Variants in LRRIQ1 observed in about 807,000 individuals in gnomAD.
LRRIQ1 encodes leucine rich repeats and IQ motif containing 1, also known as leucine-rich repeat- and IQ domain-containing protein 1.
Under a neutral mutation model 211.9 loss-of-function variants are expected in LRRIQ1, and 210 were observed. The ratio of observed to expected loss-of-function variants is 0.99; its 90% CI spans 0.89 to 1.11. The LOEUF (loss-of-function observed/expected upper bound fraction) is 1.11, where lower values mean the gene tolerates loss of function less well. LRRIQ1 is among the 50% of genes most tolerant of loss of function. LRRIQ1 has a pLI of 0.00. For synonymous variants in LRRIQ1, 699 were observed against 650.1 expected (o/e 1.08, Z -1.14); for missense variants, 2,136 against 1,939.5 (o/e 1.10, Z -1.90).
chr12:85,084,941 A>T (rs866817315), intron 11 of LRRIQ1, among the ~76,000 whole-genome samples: 51 of 151,982 alleles, frequency 3.4e-4, no homozygotes, highest in African/African-American at 1.1e-3. Context: ...AAAAAAAAAG[A>T]AGTACAATGA....
At chr12:85,243,178 A>T (rs1895541499) in intron 26 of LRRIQ1, among the ~76,000 whole-genome samples, 1 of 146,650 alleles carries the variant, frequency 6.8e-6, no homozygotes. Context: ...TATTGCTTTG[A>T]TATTTCCCCT....
intron 8 of LRRIQ1, among the ~76,000 whole-genome samples, chr12:85,059,203 A>C (rs1327382381): frequency 2.0e-5 from 3 of 152,012 alleles, no homozygotes; most frequent in Non-Finnish European, 4.4e-5. Flanking sequence ...TCTGGAGATC[A>C]ACTTAGAAAA....
intron 24 of LRRIQ1, among the ~76,000 whole-genome samples, chr12:85,166,494 A>G (rs930257588): frequency 1.3e-5 from 2 of 152,214 alleles, no homozygotes; most frequent in African/African-American, 4.8e-5. Context: ...TAACTTCTAT[A>G]ATTTTTACTC....
intron 24 of LRRIQ1, among the ~76,000 whole-genome samples, chr12:85,187,863 A>G (rs957416364): frequency 2.0e-5 from 3 of 151,908 alleles, no homozygotes; most frequent in Non-Finnish European, 4.4e-5. Context: ...CTGCTTCCCT[A>G]GTAGCCACCA....
chr12:85,039,663 A>G (rs1385096171), intron 2 of LRRIQ1, among the ~76,000 whole-genome samples: 1 of 151,694 alleles, frequency 6.6e-6, no homozygotes, highest in Non-Finnish European at 1.5e-5. Flanking sequence ...AATTCAACAC[A>G]TGAAAACCCA....
At chr12:85,127,734 T>C (rs1198165014) in intron 17 of LRRIQ1, 98 bp from the exon 18 acceptor site, 3 of 940,044 alleles carry the variant, frequency 3.2e-6, no homozygotes, top group Non-Finnish European at 4.9e-6. Flanking sequence ...ACTTTATGTG[T>C]TCTTTGTTTA....
At chr12:85,132,280 C>A (rs1164625667) in intron 18 of LRRIQ1, among the ~76,000 whole-genome samples, 1 of 151,884 alleles carries the variant, frequency 6.6e-6, no homozygotes. Flanking sequence ...GATATGATGA[C>A]CTCAGGAAAA....
At chr12:85,067,650 G>A (rs1882586126) in intron 10 of LRRIQ1, among the ~76,000 whole-genome samples, 1 of 151,612 alleles carries the variant, frequency 6.6e-6, no homozygotes, top group Non-Finnish European at 1.5e-5. Flanking sequence ...CGAGTACTGA[G>A]ACTACAGACA....
chr12:85,046,471 A>G (rs928097118), intron 5 of LRRIQ1, among the ~76,000 whole-genome samples: 6 of 152,190 alleles, frequency 3.9e-5, no homozygotes, highest in Admixed American at 3.9e-4. Context: ...GTTTTGTGGA[A>G]TATTTTAAGT....
rs142843429 is a variant in LRRIQ1, at chr12:85,163,593, C to T, written c.4822+2879C>T. 2.3e-3 allele frequency among the ~76,000 whole-genome samples: 348 copies of T among 152,150 alleles called. 3 individuals carry two copies. The highest frequency in any genetic ancestry group is 7.9e-3 in the African/African-American group (328 of 41,524). On this transcript the variant is annotated intron_variant, in intron 24 of 26. Coordinates refer to ENST00000393217, the MANE Select transcript of LRRIQ1 (RefSeq NM_001079910.2). ...TTCTATCTCCACTCTGCAATGTTGA[C>T]TATATGGGGTTTCCATGATTCTTCT...
chr12:85,148,022 C>T lies in LRRIQ1; in HGVS notation c.4330-4258C>T, dbSNP rs796624101. On this transcript the variant is annotated intron_variant, in intron 19 of 26. Coordinates refer to ENST00000393217, the MANE Select transcript of LRRIQ1 (RefSeq NM_001079910.2). ...CTCCAGATGAACACTGCCTCCATTG[C>T]CAGTTACAAATCTATCCAAGTTCAA... Among the ~76,000 whole-genome samples the T allele has an allele frequency of 2.6e-5, 4 of 151,818 alleles. 1 individual carries two copies. The highest frequency in any genetic ancestry group is 7.2e-5 in the African/African-American group (3 of 41,484).
intron 6 of LRRIQ1, among the ~76,000 whole-genome samples, chr12:85,049,257 A>G (rs1880016731): frequency 6.6e-6 from 1 of 152,182 alleles, no homozygotes; most frequent in Admixed American, 6.5e-5. Flanking sequence ...TAAATCTCTT[A>G]AGAATTACAC....
intron 11 of LRRIQ1, among the ~76,000 whole-genome samples, chr12:85,096,026 A>C (rs1402320943): frequency 6.6e-6 from 1 of 152,104 alleles, no homozygotes; most frequent in African/African-American, 2.4e-5. Flanking sequence ...GTTGTTTCTC[A>C]AGACACTTAT....
rs144892638 is a variant in LRRIQ1 at position 85,146,577 on chromosome 12, C to T, written c.4330-5703C>T. ...GGGGCAGTTCAAAAGATAAAAATCT[C>T]CCTCTTTCATGCTTCCCAGGATTTA... On this transcript the variant is annotated intron_variant, in intron 19 of 26. Transcript: ENST00000393217. Among the ~76,000 whole-genome samples the T allele has an allele frequency of 9.5e-3, 1,446 of 151,774 alleles. 17 individuals carry two copies. The highest frequency in any genetic ancestry group is 0.014 in the Non-Finnish European group (950 of 67,776).
rs553553838 is a variant in LRRIQ1, at chr12:85,182,737, C to A, written c.4822+22023C>A. 7.2e-5 allele frequency among the ~76,000 whole-genome samples: 11 copies of A among 152,184 alleles called. No individual in the cohort carries two copies. The South Asian group carries it at 1.9e-3, about 26-fold the overall frequency. ...ATGAGTAGGTTACTTGTGTCCAGTA[C>A]ATCCAAAAAAGAGCCAGGATAAAAT... On this transcript the variant is annotated intron_variant, in intron 24 of 26. Transcript: ENST00000393217.
At chr12:85,202,521 T>C (rs546063346) in intron 24 of LRRIQ1, among the ~76,000 whole-genome samples, 1 of 152,210 alleles carries the variant, frequency 6.6e-6, no homozygotes, top group Non-Finnish European at 1.5e-5. Flanking sequence ...AATTGAGCCC[T>C]GTGCTATTAT....
chr12:85,143,323 GTTGT>G (rs1889670637), intron 19 of LRRIQ1, among the ~76,000 whole-genome samples: 1 of 151,478 alleles, frequency 6.6e-6, no homozygotes, highest in South Asian at 2.1e-4. Flanking sequence ...TTGTTATTGA[GTTGT>G]TTGAGTTCCT....
At chr12:85,070,199 A>G (rs987148782) in intron 10 of LRRIQ1, among the ~76,000 whole-genome samples, 56 of 151,954 alleles carry the variant, frequency 3.7e-4, no homozygotes, top group African/African-American at 1.3e-3. Context: ...TGTGCTTTAT[A>G]TTTGATTGCA....
Position 85,206,352 on chromosome 12 carries a change from C to T in LRRIQ1, c.4823-23165C>T, listed in dbSNP as rs550595633. Among the ~76,000 whole-genome samples the T allele has an allele frequency of 9.2e-5, 14 of 152,228 alleles. No individual in the cohort carries two copies. The South Asian group carries it at 1.7e-3, about 18-fold the overall frequency. On this transcript the variant is annotated intron_variant, in intron 24 of 26. Transcript: ENST00000393217. Reference sequence around the variant, plus strand: ...GGCAGGTGGCAGGGCTGCTGGTTTCCCTGTCCATGTTCATACCAGTGACAG... The same window carrying T: ...GGCAGGTGGCAGGGCTGCTGGTTTCTCTGTCCATGTTCATACCAGTGACAG...
Sources: allele counts gnomAD v4.1 joint callset (sites outside exome capture counted in the v4.1 genomes callset), GRCh38; gene constraint gnomAD v4.1.1; transcripts MANE v1.5; gene names NCBI Gene and HGNC (gene_info 2026-07-23, HGNC 2026-07-21).